ZCWPW2: variants seen among roughly 807,000 people sequenced by gnomAD.
ZCWPW2 encodes the protein zinc finger CW-type and PWWP domain containing 2.
Under a neutral mutation model 46.6 loss-of-function variants are expected in ZCWPW2, and 45 were observed. The ratio of observed to expected loss-of-function variants is 0.96; its 90% CI spans 0.76 to 1.24. The LOEUF (loss-of-function observed/expected upper bound fraction) is 1.24. Among genes scored for constraint, ZCWPW2 ranks in the 50% most tolerant of loss-of-function variants. The pLI is 0.00. For synonymous variants in ZCWPW2, 152 were observed against 137.1 expected, an observed-to-expected ratio of 1.11 and a Z score of -0.76; for missense variants, 429 against 403.9, an observed-to-expected ratio of 1.06 and a Z score of -0.53.
chr3:28,364,619 A>AT (rs2125696053), intron 1 of ZCWPW2, among the ~76,000 whole-genome samples: 1 of 152,020 alleles, frequency 6.6e-6, no homozygotes, highest in African/African-American at 2.4e-5. Flanking sequence ...AACATCTATT[A>AT]TTTTTTAATT....
intron 1 of ZCWPW2, among the ~76,000 whole-genome samples, chr3:28,389,421 T>C (rs1179483659): frequency 1.3e-5 from 2 of 152,240 alleles, no homozygotes; most frequent in Non-Finnish European, 2.9e-5. Flanking sequence ...TGTTTGAAGA[T>C]ACTATATGCA....
intron 6 of ZCWPW2, among the ~76,000 whole-genome samples, chr3:28,497,938 G>A (rs187258900): frequency 5.3e-5 from 8 of 152,102 alleles, no homozygotes; most frequent in Admixed American, 5.3e-4. Flanking sequence ...TAATCTCTCT[G>A]AGTTCCACTT....
intron 2 of ZCWPW2, among the ~76,000 whole-genome samples, chr3:28,391,238 T>C (rs1158385552): frequency 6.6e-6 from 1 of 152,122 alleles, no homozygotes; most frequent in African/African-American, 2.4e-5. Flanking sequence ...TGATGAAATT[T>C]GTAGTCTGAT....
intron 6 of ZCWPW2, among the ~76,000 whole-genome samples, chr3:28,493,440 G>T (rs1029909041): frequency 9.2e-6 from 1 of 108,626 alleles, no homozygotes; most frequent in African/African-American, 3.1e-5. Context: ...GAGAATGATG[G>T]TTTCCAATTT....
intron 4 of ZCWPW2, among the ~76,000 whole-genome samples, chr3:28,471,097 A>G (rs1699025531): frequency 6.6e-6 from 1 of 152,306 alleles, no homozygotes; most frequent in East Asian, 1.9e-4. Flanking sequence ...AAGTAACAAG[A>G]TAAAAACTAT....
intron 4 of ZCWPW2, among the ~76,000 whole-genome samples, chr3:28,442,291 C>A (rs1697793036): frequency 6.6e-6 from 1 of 152,184 alleles, no homozygotes; most frequent in African/African-American, 2.4e-5. Flanking sequence ...TCTCAACAAG[C>A]CCCACACCGC....
chr3:28,466,897 T>C (rs1698845513), intron 4 of ZCWPW2, among the ~76,000 whole-genome samples: 1 of 152,170 alleles, frequency 6.6e-6, no homozygotes, highest in Non-Finnish European at 1.5e-5. Context: ...ATGTCAGTTC[T>C]CCTTAAATTA....
At chr3:28,399,614 G>T (rs1002516689) in intron 2 of ZCWPW2, among the ~76,000 whole-genome samples, 5 of 152,188 alleles carry the variant, frequency 3.3e-5, no homozygotes, top group Non-Finnish European at 7.3e-5. Flanking sequence ...AGGATTCTGT[G>T]CAGACAACCC....
chr3:28,386,286 A>T (rs1695270152), intron 1 of ZCWPW2, among the ~76,000 whole-genome samples: 1 of 152,186 alleles, frequency 6.6e-6, no homozygotes, highest in Non-Finnish European at 1.5e-5. Context: ...CCATGTGAGG[A>T]TCCAGCAACG....
intron 1 of ZCWPW2, among the ~76,000 whole-genome samples, chr3:28,357,157 C>G (rs887928351): frequency 1.3e-5 from 2 of 151,718 alleles, no homozygotes; most frequent in Non-Finnish European, 1.5e-5. Context: ...TTATAAAAAC[C>G]AGGAAGACAA....
chr3:28,363,138 A>G (rs1387778416), intron 1 of ZCWPW2, among the ~76,000 whole-genome samples: 1 of 152,168 alleles, frequency 6.6e-6, no homozygotes, highest in African/African-American at 2.4e-5. Context: ...CCGGCTGAGG[A>G]AATAATCTGT....
chr3:28,515,710 A>T, intron 8 of ZCWPW2, 89 bp downstream of exon 8: 1 of 1,157,044 alleles, frequency 8.6e-7, no homozygotes, highest in South Asian at 1.5e-5. Context: ...AAAAAAAAAG[A>T]TTTCCTGTGT....
chr3:28,484,354 G>C (rs1043080821), intron 5 of ZCWPW2, among the ~76,000 whole-genome samples: 1 of 152,114 alleles, frequency 6.6e-6, no homozygotes, highest in African/African-American at 2.4e-5. Flanking sequence ...CGGAGAATTG[G>C]CATAATTTCT....
intron 1 of ZCWPW2, among the ~76,000 whole-genome samples, chr3:28,355,585 C>T (rs1381207262): frequency 4.6e-5 from 7 of 152,232 alleles, no homozygotes; most frequent in African/African-American, 9.6e-5. Flanking sequence ...CATCACACTA[C>T]CTGACTTCAA....
intron 4 of ZCWPW2, among the ~76,000 whole-genome samples, chr3:28,438,479 A>G (rs1697588686): frequency 6.6e-6 from 1 of 152,242 alleles, no homozygotes; most frequent in African/African-American, 2.4e-5. Context: ...GTTTTAGTTC[A>G]GGCTGATCCT....
At chr3:28,475,376 A>G (rs1372385474) in intron 4 of ZCWPW2, among the ~76,000 whole-genome samples, 2 of 152,196 alleles carry the variant, frequency 1.3e-5, no homozygotes, top group Non-Finnish European at 2.9e-5. Flanking sequence ...CCACACTGCC[A>G]TCATTTCTTG....
intron 5 of ZCWPW2, among the ~76,000 whole-genome samples, chr3:28,490,603 G>A (rs1490476022): frequency 1.3e-5 from 2 of 152,034 alleles, no homozygotes; most frequent in Non-Finnish European, 2.9e-5. Flanking sequence ...TCACTTATAA[G>A]TGAGAACTAA....
chr3:28,370,887 C>T (rs936355007), intron 1 of ZCWPW2, among the ~76,000 whole-genome samples: 2 of 152,136 alleles, frequency 1.3e-5, no homozygotes, highest in Non-Finnish European at 2.9e-5. Flanking sequence ...CATGCACCAC[C>T]ATGCCCAGCT....
intron 1 of ZCWPW2, among the ~76,000 whole-genome samples, chr3:28,365,581 GATGCCT>G (rs1705095754): frequency 7.1e-6 from 1 of 141,024 alleles, no homozygotes; most frequent in South Asian, 2.3e-4. Context: ...CAGGTAGCGT[GATGCCT>G]CCAGCTTTGT....
Sources: allele counts gnomAD v4.1 joint callset (sites outside exome capture counted in the v4.1 genomes callset), GRCh38; gene constraint gnomAD v4.1.1; transcripts MANE v1.5; gene names NCBI Gene and HGNC (gene_info 2026-07-23, HGNC 2026-07-21).